Variants in PARD3B observed in about 807,000 individuals in gnomAD.
PARD3B encodes partitioning defective 3 homolog B.
A neutral mutation model predicts 130.2 loss-of-function variants in PARD3B; 103 were observed. The observed-to-expected ratio is 0.79, with a 90% CI of 0.67 to 0.93. The LOEUF is 0.93. Ranked by LOEUF, PARD3B falls within the 40% of genes least tolerant of loss-of-function variation. PARD3B has a pLI of 0.00. For synonymous variants in PARD3B, 583 were observed against 553.2 expected, an observed-to-expected ratio of 1.05 and a Z score of -0.76; for missense variants, 1,609 against 1,499.2, an observed-to-expected ratio of 1.07 and a Z score of -1.21.
chr2:205,310,260 A>G (rs1048248120), intron 18 of PARD3B, among the ~76,000 whole-genome samples: 14 of 150,782 alleles, frequency 9.3e-5, no homozygotes, highest in Non-Finnish European at 1.6e-4. Context: ...AATTTTTTGT[A>G]TTTTTTTTAA....
Position 205,187,242 on chromosome 2 carries a change from G to A in PARD3B, c.2024+1379G>A, listed in dbSNP as rs935187652. Among the ~76,000 whole-genome samples, 8 of 152,182 alleles carry A rather than the reference G, an allele frequency of 5.3e-5. No individual in the cohort carries two copies. Among genetic ancestry groups the A allele is most frequent in the Non-Finnish European group, 1.2e-4 (8 of 68,032 alleles). ...TGAGCCCAGGAAGAAAGGGCATTTC[G>A]GGAGGGAAGAGCAGCAGAAGAAACA... On this transcript the variant is annotated intron_variant, in intron 14 of 22. Coordinates refer to ENST00000406610, the MANE Select transcript of PARD3B (RefSeq NM_001302769.2). This position sits in a 1 kb window ranked among gnomAD's most constrained non-coding sequence, Gnocchi z 4.9.
At chr2:204,814,470 T>C (rs1380922882) in intron 2 of PARD3B, among the ~76,000 whole-genome samples, 2 of 151,864 alleles carry the variant, frequency 1.3e-5, no homozygotes, top group African/African-American at 4.8e-5. Context: ...AAATATTTTT[T>C]CTATTGGATT....
intron 1 of PARD3B, among the ~76,000 whole-genome samples, chr2:204,548,787 A>G (rs1420815963): frequency 1.3e-5 from 2 of 152,192 alleles, no homozygotes; most frequent in African/African-American, 2.4e-5. Context: ...GGATTTGCAA[A>G]TCAACTATGA....
chr2:204,851,573 C>A (rs576172946), intron 2 of PARD3B, among the ~76,000 whole-genome samples: 1 of 152,256 alleles, frequency 6.6e-6, no homozygotes, highest in South Asian at 2.1e-4. Context: ...GACTATCCAA[C>A]TGTATTTGAG....
At chr2:204,998,170 T>C (rs900737945) in intron 3 of PARD3B, among the ~76,000 whole-genome samples, 4 of 148,840 alleles carry the variant, frequency 2.7e-5, no homozygotes, top group African/African-American at 7.4e-5. Flanking sequence ...GGGCCTGTCA[T>C]GGGGTGGGAT....
intron 1 of PARD3B, among the ~76,000 whole-genome samples, chr2:204,643,409 T>C (rs2035163072): frequency 6.6e-6 from 1 of 152,084 alleles, no homozygotes; most frequent in Admixed American, 6.5e-5. Context: ...AAACATTATT[T>C]TTTGAATATC....
intron 3 of PARD3B, among the ~76,000 whole-genome samples, chr2:205,022,647 A>G (rs1293533634): frequency 6.6e-6 from 1 of 152,232 alleles, no homozygotes; most frequent in Non-Finnish European, 1.5e-5. Flanking sequence ...AGACCATGCT[A>G]ACTTCAAGCC....
chr2:205,567,214 G>A (rs185887060), intron 22 of PARD3B, among the ~76,000 whole-genome samples: 364 of 151,050 alleles, frequency 2.4e-3, no homozygotes, highest in African/African-American at 8.5e-3. Flanking sequence ...AGGGAGGATA[G>A]AGAGGAAGGG....
chr2:204,972,540 T>C (rs1365717259), intron 3 of PARD3B, among the ~76,000 whole-genome samples: 2 of 152,314 alleles, frequency 1.3e-5, no homozygotes, highest in Admixed American at 1.3e-4. Flanking sequence ...CTATATCTGA[T>C]GGCTAAGTTT....
chr2:205,441,399 G>A (rs924870066), intron 20 of PARD3B, among the ~76,000 whole-genome samples: 3 of 152,178 alleles, frequency 2.0e-5, no homozygotes, highest in Non-Finnish European at 4.4e-5. Context: ...AAAGACTGAT[G>A]TAAGAGAGTT....
rs573501089 is a variant in PARD3B, at chr2:205,242,833, G to C, written c.2141-2945G>C. 6.4e-4 allele frequency among the ~76,000 whole-genome samples: 98 copies of C among 152,062 alleles called. 1 individual carries two copies. Among genetic ancestry groups the C allele is most frequent in the African/African-American group, 2.2e-3 (92 of 41,462 alleles). ...ATTTAGTTCCAACTCTCTGTGTACT[G>C]TTTTTTCCCCCATTTCTCATATGGA... On this transcript the variant is annotated intron_variant, in intron 15 of 22. Transcript: ENST00000406610.
Position 205,121,385 on chromosome 2 carries a change from G to T in PARD3B, c.807-206G>T, listed in dbSNP as rs2030696241. 6.6e-6 allele frequency among the ~76,000 whole-genome samples: 1 copy of T among 152,170 alleles called. No homozygotes were observed. Among genetic ancestry groups the T allele is most frequent in the Admixed American group, 6.5e-5 (1 of 15,280 alleles). On this transcript the variant is annotated intron_variant, in intron 7 of 22. Coordinates refer to ENST00000406610, the MANE Select transcript of PARD3B (RefSeq NM_001302769.2). This position sits in a 1 kb window ranked among gnomAD's most constrained non-coding sequence, Gnocchi z 5.0. Reference sequence around the variant, plus strand: ...TTAGAGAAGGATGCATGCTAATAATGCATGTATAAGCTAGTGCAGGGGCAC... The same window carrying T: ...TTAGAGAAGGATGCATGCTAATAATTCATGTATAAGCTAGTGCAGGGGCAC...
intron 2 of PARD3B, among the ~76,000 whole-genome samples, chr2:204,875,134 T>A (rs1358599320): frequency 6.6e-6 from 1 of 152,184 alleles, no homozygotes; most frequent in East Asian, 1.9e-4. Flanking sequence ...GTTTTCCCAT[T>A]TTAAGTATAC....
chr2:204,615,274 G>C (rs2034068620), intron 1 of PARD3B, among the ~76,000 whole-genome samples: 1 of 152,120 alleles, frequency 6.6e-6, no homozygotes, highest in Non-Finnish European at 1.5e-5. Context: ...TTAAAGGTTA[G>C]TTGCAATGCG....
intron 18 of PARD3B, among the ~76,000 whole-genome samples, chr2:205,350,494 G>C (rs1038835161): frequency 1.3e-5 from 2 of 151,822 alleles, no homozygotes; most frequent in South Asian, 2.1e-4. Context: ...GTATAATCTT[G>C]TTCAAATTAT....
chr2:205,606,196 C>A (rs764094), intron 22 of PARD3B, among the ~76,000 whole-genome samples: 37,323 of 138,960 alleles, frequency 0.27, 4,991 homozygotes, highest in Middle Eastern at 0.41. Flanking sequence ...CAAGTGGCCA[C>A]CAAGAATCTA....
intron 2 of PARD3B, among the ~76,000 whole-genome samples, chr2:204,823,939 C>CAAAA (rs5837938): frequency 0.046 from 5,026 of 108,954 alleles, 121 homozygotes; most frequent in East Asian, 0.18. Context: ...GACTCAGTCT[C>CAAAA]AAAAAAAAAA....
chr2:205,182,854 A>G (rs1039190811), intron 13 of PARD3B, among the ~76,000 whole-genome samples: 5 of 152,100 alleles, frequency 3.3e-5, no homozygotes, highest in South Asian at 2.1e-4. Context: ...GGTGATGTAG[A>G]TGGGGAAAGG....
chr2:205,131,167 A>C (rs2125646279), intron 10 of PARD3B, among the ~76,000 whole-genome samples: 1 of 152,342 alleles, frequency 6.6e-6, no homozygotes, highest in South Asian at 2.1e-4. Context: ...TAACTGAGAT[A>C]CTTAAGGAAA....
Sources: gnomAD v4.1 joint callset for allele counts (sites outside exome capture counted in the v4.1 genomes callset) on GRCh38, gnomAD v4.1.1 for gene constraint, Gnocchi (gnomAD v3.1) non-coding constraint, MANE v1.5 for transcripts, NCBI Gene and HGNC (gene_info 2026-07-23, HGNC 2026-07-21) for gene names.